Variants in EXOC4 observed in about 807,000 individuals in gnomAD.
The protein encoded by EXOC4 is exocyst complex component 4.
Under a neutral mutation model 107.2 loss-of-function variants are expected in EXOC4, and 71 were observed. That is an observed-to-expected ratio of 0.66 (90% confidence interval 0.55 to 0.81). EXOC4 has a LOEUF of 0.81. EXOC4 is among the 30% of genes least tolerant of loss of function. The pLI is 0.00. For synonymous variants in EXOC4, 456 were observed against 441.2 expected, an observed-to-expected ratio of 1.03 and a Z score of -0.42; for missense variants, 1,108 against 1,189.6, an observed-to-expected ratio of 0.93 and a Z score of 1.01.
At chr7:133,828,310 T>A (rs1399619829) in intron 11 of EXOC4, among the ~76,000 whole-genome samples, 4 of 152,096 alleles carry the variant, frequency 2.6e-5, no homozygotes, top group African/African-American at 9.7e-5. Context: ...TGAAAGATAC[T>A]GGGAAGAGAA....
intron 4 of EXOC4, among the ~76,000 whole-genome samples, chr7:133,310,317 T>C (rs1486980084): frequency 6.6e-6 from 1 of 152,152 alleles, no homozygotes; most frequent in Non-Finnish European, 1.5e-5. Flanking sequence ...CAGTAAATCC[T>C]CACTTAATGC....
intron 10 of EXOC4, among the ~76,000 whole-genome samples, chr7:133,677,745 C>T (rs576769215): frequency 6.6e-6 from 1 of 152,132 alleles, no homozygotes; most frequent in Non-Finnish European, 1.5e-5. Flanking sequence ...ACCTGCTAAT[C>T]AATCTTAAAT....
At chr7:133,584,577 T>TTG (rs1389900604) in intron 9 of EXOC4, among the ~76,000 whole-genome samples, 6 of 133,518 alleles carry the variant, frequency 4.5e-5, no homozygotes, top group Non-Finnish European at 8.1e-5. Context: ...TATTTCAGTT[T>TTG]TTTTTTTGTT....
At chr7:133,860,989 T>C (rs1011362067) in intron 11 of EXOC4, among the ~76,000 whole-genome samples, 1 of 152,190 alleles carries the variant, frequency 6.6e-6, no homozygotes, top group African/African-American at 2.4e-5. Flanking sequence ...CTTTTCTTTA[T>C]TAAGAATGCC....
At chr7:133,825,194 A>G (rs964140689) in intron 11 of EXOC4, among the ~76,000 whole-genome samples, 21 of 151,690 alleles carry the variant, frequency 1.4e-4, no homozygotes, top group South Asian at 6.2e-4. Flanking sequence ...TAAAAAAAAA[A>G]AAAGAAAGAA....
At chr7:134,023,902 G>T (rs533760961) in intron 17 of EXOC4, among the ~76,000 whole-genome samples, 1 of 152,278 alleles carries the variant, frequency 6.6e-6, no homozygotes, top group East Asian at 1.9e-4. Context: ...GAGGATTTTA[G>T]CACAGTCCCT....
Position 133,441,747 on chromosome 7 carries a change from A to G in EXOC4, c.1183-33581A>G, listed in dbSNP as rs559304508. Among the ~76,000 whole-genome samples the G allele has an allele frequency of 9.8e-5, 15 of 152,294 alleles. No homozygotes were observed. In the South Asian group the frequency reaches 2.5e-3, roughly 25 times the overall value. ...CATTTATCACTTCCTCTAAGGTTCC[A>G]GTCATCTTCTAAGATATATGGCTTG... On this transcript the variant is annotated intron_variant, in intron 7 of 17. Transcript: ENST00000253861.
chr7:133,616,633 T>G (rs1020378643), intron 9 of EXOC4, among the ~76,000 whole-genome samples: 1 of 152,120 alleles, frequency 6.6e-6, no homozygotes, highest in Non-Finnish European at 1.5e-5. Context: ...GGATCTAAGA[T>G]GCTTCTTAGA....
chr7:133,582,390 C>G (rs1054104643), intron 9 of EXOC4, among the ~76,000 whole-genome samples: 3 of 152,164 alleles, frequency 2.0e-5, no homozygotes, highest in African/African-American at 7.2e-5. Context: ...AAGAACAGCA[C>G]TTTTAAACAA....
chr7:133,451,453 T>C (rs559657420), intron 7 of EXOC4, among the ~76,000 whole-genome samples: 3 of 152,234 alleles, frequency 2.0e-5, no homozygotes, highest in Admixed American at 6.5e-5. Context: ...GGTTAGCAGA[T>C]TAACATAAAC....
chr7:133,763,905 C>G (rs115658446), intron 10 of EXOC4, among the ~76,000 whole-genome samples: 1,746 of 152,066 alleles, frequency 0.011, 25 homozygotes, highest in African/African-American at 0.04. Flanking sequence ...GATTTACCAA[C>G]TAGGAGACCT....
intron 9 of EXOC4, among the ~76,000 whole-genome samples, chr7:133,611,234 G>A (rs1802069843): frequency 6.6e-6 from 1 of 152,116 alleles, no homozygotes; most frequent in Non-Finnish European, 1.5e-5. Context: ...TAGTGGCAGA[G>A]GTTTTGTCAC....
At chr7:133,388,783 A>G (rs1796786203) in intron 7 of EXOC4, among the ~76,000 whole-genome samples, 1 of 152,224 alleles carries the variant, frequency 6.6e-6, no homozygotes, top group Non-Finnish European at 1.5e-5. Flanking sequence ...TAAGGTTTAA[A>G]TATTGCAATT....
intron 15 of EXOC4, among the ~76,000 whole-genome samples, chr7:133,998,020 T>G (rs751970776): frequency 6.6e-6 from 1 of 152,212 alleles, no homozygotes; most frequent in Non-Finnish European, 1.5e-5. Flanking sequence ...ACAAAGTAAG[T>G]GCTCAAAATA....
chr7:133,263,734 T>TGG (rs1455341178), intron 1 of EXOC4, among the ~76,000 whole-genome samples: 1 of 151,856 alleles, frequency 6.6e-6, no homozygotes, highest in African/African-American at 2.4e-5. Context: ...AAAATTTATA[T>TGG]GTGTGTGTGT....
At chr7:133,591,941 T>C (rs982400951) in intron 9 of EXOC4, among the ~76,000 whole-genome samples, 6 of 152,224 alleles carry the variant, frequency 3.9e-5, no homozygotes, top group Non-Finnish European at 8.8e-5. Context: ...CTAAACAGTT[T>C]TTGAATTTTT....
intron 10 of EXOC4, among the ~76,000 whole-genome samples, chr7:133,795,553 G>A (rs909703273): frequency 6.6e-6 from 1 of 152,180 alleles, no homozygotes; most frequent in Non-Finnish European, 1.5e-5. Context: ...GGGCTACCCA[G>A]TTATGAATAG....
chr7:133,712,817 C>T (rs967483712), intron 10 of EXOC4, among the ~76,000 whole-genome samples: 7 of 152,166 alleles, frequency 4.6e-5, no homozygotes, highest in Admixed American at 3.9e-4. Flanking sequence ...CACGGATACA[C>T]CTCCAAACCA....
chr7:133,918,363 T>A (rs950958157), intron 13 of EXOC4, among the ~76,000 whole-genome samples: 12 of 152,202 alleles, frequency 7.9e-5, no homozygotes, highest in African/African-American at 2.9e-4. Context: ...GCAAAGTTGT[T>A]TGTAGCCCCC....
Sources: gnomAD v4.1 joint callset for allele counts (sites outside exome capture counted in the v4.1 genomes callset) on GRCh38, gnomAD v4.1.1 for gene constraint, MANE v1.5 for transcripts, NCBI Gene and HGNC (gene_info 2026-07-23, HGNC 2026-07-21) for gene names.